The following FAP variants were observed in gnomAD, a reference collection of about 807,000 sequenced individuals.
FAP encodes the protein prolyl endopeptidase FAP.
Under a neutral mutation model 126.5 loss-of-function variants are expected in FAP, and 110 were observed. The observed-to-expected ratio is 0.87, with a 90% CI of 0.74 to 1.02. The LOEUF is 1.02. FAP is among the 50% of genes least tolerant of loss of function. FAP has a pLI of 0.00. For missense variants in FAP, 919 were observed against 909.2 expected (o/e 1.01, Z -0.14); for synonymous variants, 334 against 297.3 (o/e 1.12, Z -1.27).
At chr2:162,218,446 T>C (rs1689243781) in intron 8 of FAP, among the ~76,000 whole-genome samples, 1 of 152,098 alleles carries the variant, frequency 6.6e-6, no homozygotes, top group African/African-American at 2.4e-5. Flanking sequence ...TCAGGTTTTT[T>C]AGTCACCTAA....
chr2:162,188,628 T>C (rs1412227972), intron 19 of FAP, among the ~76,000 whole-genome samples: 1 of 152,066 alleles, frequency 6.6e-6, no homozygotes, highest in African/African-American at 2.4e-5. Flanking sequence ...GGGTTTTTCG[T>C]CATTTCTGCC....
chr2:162,211,987 G>A (rs1001347508), intron 11 of FAP, among the ~76,000 whole-genome samples: 1 of 152,098 alleles, frequency 6.6e-6, no homozygotes, highest in African/African-American at 2.4e-5. Context: ...ATCTCAAAAT[G>A]TGTTGCATGT....
Position 162,202,867 on chromosome 2 carries a change from C to CTT in FAP, c.1223+3_1223+4dup, listed in dbSNP as rs1408290734. On this transcript the variant is annotated splice_donor_region_variant and intron_variant, in intron 14 of 25. Transcript: ENST00000188790. ...ATGGTGCATCGTGCTTCGTGCAATA[C>CTT]TTACAGTGAATCCTGTGTTACTCTG... is the stretch of plus-strand genomic sequence containing the variant. The CTT allele has an allele frequency of 1.4e-5, 22 of 1,611,082 alleles. No homozygotes were observed. The Admixed American group carries it at 3.7e-4, about 27-fold the overall frequency.
chr2:162,200,476 T>C, intron 15 of FAP, 90 bp downstream of exon 15: 2 of 710,564 alleles, frequency 2.8e-6, no homozygotes, highest in Non-Finnish European at 4.8e-6. Flanking sequence ...GTGCCATACT[T>C]TAAAAATATT....
In FAP at chr2:162,200,568, G is replaced by A; in HGVS notation, c.1275C>T (p.Tyr425=). ...CAGAATGAATGGACATAAATTACCT[G>A]TAGATGTTTCTTCTTCCAGGGTATT... ...FEEYPGRRNI[Y]RISIGSYPPS... Residue 425 remains tyrosine (Y), a splice_region_variant and synonymous_variant, in exon 15 of 26, where the codon TAC becomes TAT. Transcript: ENST00000188790. 5 of 1,476,688 alleles carry A rather than the reference G, an allele frequency of 3.4e-6. No homozygotes were observed. Among genetic ancestry groups the A allele is most frequent in the South Asian group, 1.2e-5 (1 of 82,000 alleles). 91.5% of individuals were successfully genotyped at this position (1,476,688 alleles called of 1,614,324 possible). A position where few individuals can be genotyped will look rare whatever the true frequency, so the allele number is the denominator to read the frequency against.
rs111605362 is a variant in FAP, at chr2:162,212,404, T to C, written c.1002+1534A>G. On this transcript the variant is annotated intron_variant, in intron 11 of 25. Transcript: ENST00000188790. ...AATTAACTAGCATAATCAAGATTAG[T>C]CTATCCTTTCTTTGCCTATGATACT... is the stretch of plus-strand genomic sequence containing the variant. Among the ~76,000 whole-genome samples, 1,281 of 152,308 alleles carry C rather than the reference T, an allele frequency of 8.4e-3. 11 individuals are homozygous for C. Among genetic ancestry groups the C allele is most frequent in the African/African-American group, 0.029 (1,204 of 41,560 alleles).
At chr2:162,192,244 T>G (rs2106231340) in intron 17 of FAP, among the ~76,000 whole-genome samples, 1 of 152,228 alleles carries the variant, frequency 6.6e-6, no homozygotes, top group Non-Finnish European at 1.5e-5. Context: ...GGCTTCCACC[T>G]CCACTGCTCC....
intron 3 of FAP, 151 bp downstream of exon 3, chr2:162,226,372 G>T: frequency 2.2e-6 from 1 of 458,530 alleles, no homozygotes; most frequent in Admixed American, 4.4e-5. Flanking sequence ...TGTCAAAAGC[G>T]CTTTTTTGAG....
chr2:162,205,391 G>A (rs1240759117), intron 12 of FAP, among the ~76,000 whole-genome samples: 2 of 152,130 alleles, frequency 1.3e-5, no homozygotes, highest in Non-Finnish European at 2.9e-5. Context: ...AATTTTGTGG[G>A]TAAAATTTTA....
At chr2:162,179,710 T>C (rs982126984) in intron 21 of FAP, among the ~76,000 whole-genome samples, 6 of 151,756 alleles carry the variant, frequency 4.0e-5, no homozygotes, top group Admixed American at 6.6e-5. Flanking sequence ...GAATGGACAT[T>C]GCAGATGCGA....
intron 17 of FAP, chr2:162,193,517 G>C (rs1007176475): frequency 1.3e-5 from 2 of 152,110 alleles, no homozygotes; most frequent in Non-Finnish European, 2.9e-5. Flanking sequence ...AAAAAGAAAG[G>C]CTGGCTATTA....
chr2:162,208,236 C>T (rs928725823), intron 12 of FAP, among the ~76,000 whole-genome samples: 4 of 148,274 alleles, frequency 2.7e-5, no homozygotes, highest in Non-Finnish European at 5.9e-5. Flanking sequence ...AGCCTGGCAA[C>T]AGAGTGAGAT....
At chr2:162,202,621 A>G (rs1049176960) in intron 14 of FAP, among the ~76,000 whole-genome samples, 1 of 152,242 alleles carries the variant, frequency 6.6e-6, no homozygotes, top group African/African-American at 2.4e-5. Flanking sequence ...TATTATCTTA[A>G]AATTTGTATA....
chr2:162,199,412 C>T (rs1276526136), intron 15 of FAP, among the ~76,000 whole-genome samples: 6 of 152,186 alleles, frequency 3.9e-5, no homozygotes, highest in Admixed American at 3.9e-4. Flanking sequence ...AATTTGGGCT[C>T]ATGGAAGCTC....
chr2:162,199,666 C>G (rs1441258238), intron 15 of FAP, among the ~76,000 whole-genome samples: 1 of 149,556 alleles, frequency 6.7e-6, no homozygotes, highest in Non-Finnish European at 1.5e-5. Flanking sequence ...GTCTCCTGTG[C>G]CAACCTGTGA....
At chr2:162,210,039 A>AT (rs748407326) in intron 11 of FAP, 43 bp from the exon 12 acceptor site, 3 of 1,563,008 alleles carry the variant, frequency 1.9e-6, no homozygotes, top group African/African-American at 1.4e-5. Context: ...TTAGGAGAAC[A>AT]TTTTTTTCCT....
At chr2:162,239,328 C>T (rs1690261357) in intron 2 of FAP, among the ~76,000 whole-genome samples, 1 of 152,058 alleles carries the variant, frequency 6.6e-6, no homozygotes, top group Non-Finnish European at 1.5e-5. Flanking sequence ...TAAGCCAACA[C>T]AGCCACCCAC....
intron 2 of FAP, among the ~76,000 whole-genome samples, chr2:162,228,970 T>C (rs1388956859): frequency 6.6e-6 from 1 of 152,122 alleles, no homozygotes; most frequent in East Asian, 1.9e-4. Context: ...AGATGGAAAA[T>C]TTAAAAATGT....
chr2:162,209,950 A>G lies in FAP; in HGVS notation c.1047+2T>C. On this transcript the variant is annotated splice_donor_variant, in intron 12 of 25. Coordinates refer to ENST00000188790, the MANE Select transcript of FAP (RefSeq NM_004460.5). LOFTEE classifies it high-confidence loss of function. ...CATAAGAAAAAGATAGCAAAATCAT[A>G]CTCCACCAGCCCATCCAGTTCTGCT... 6.2e-7 allele frequency: 1 copy of G among 1,612,250 alleles called. No individual in the cohort carries two copies. Among genetic ancestry groups the G allele is most frequent in the Non-Finnish European group, 8.5e-7 (1 of 1,179,046 alleles).
Sources: allele counts gnomAD v4.1 joint callset (sites outside exome capture counted in the v4.1 genomes callset), GRCh38; gene constraint gnomAD v4.1.1; transcripts MANE v1.5; gene names NCBI Gene and HGNC (gene_info 2026-07-23, HGNC 2026-07-21).